Variants in YAE1 observed in about 807,000 individuals in gnomAD.
YAE1 encodes protein YAE1 homolog.
In YAE1, 22 loss-of-function variants were observed where a neutral mutation model predicts 23.0. The ratio of observed to expected loss-of-function variants is 0.96; its 90% CI spans 0.68 to 1.37. The LOEUF is 1.37. Ranked by LOEUF, YAE1 falls within the 40% of genes most tolerant of loss-of-function variation. The pLI is 0.00. For synonymous variants in YAE1, 101 were observed against 97.0 expected, an observed-to-expected ratio of 1.04 and a Z score of -0.24; for missense variants, 260 against 262.1, an observed-to-expected ratio of 0.99 and a Z score of 0.06.
chr7:39,569,611 G>A, intron 1 of YAE1: 1 of 609,396 alleles, frequency 1.6e-6, no homozygotes, highest in African/African-American at 1.8e-5. Flanking sequence ...ATCATACAGA[G>A]TCCTAGTAAC....
At chr7:39,603,846 G>A (rs1360060452) in intron 2 of YAE1, among the ~76,000 whole-genome samples, 1 of 152,174 alleles carries the variant, frequency 6.6e-6, no homozygotes, top group Admixed American at 6.6e-5. Flanking sequence ...GTATCAGGAA[G>A]TTGGATTTGG....
chr7:39,600,392 GTATTTATTTATT>G (rs1044416757), intron 2 of YAE1, among the ~76,000 whole-genome samples: 2 of 151,662 alleles, frequency 1.3e-5, no homozygotes, highest in African/African-American at 4.8e-5. Context: ...TATTTATTTT[GTATTTATTTATT>G]TATTTATTTT....
downstream of YAE1, among the ~76,000 whole-genome samples, chr7:39,611,501 C>G (rs562029894): frequency 1.3e-5 from 2 of 152,318 alleles, no homozygotes; most frequent in African/African-American, 4.8e-5. Context: ...GTTGCAGGAG[C>G]ACTTTACCTT....
At chr7:39,594,958 T>C (rs545532999) in intron 2 of YAE1, among the ~76,000 whole-genome samples, 7 of 152,292 alleles carry the variant, frequency 4.6e-5, no homozygotes, top group African/African-American at 1.7e-4. Context: ...ATCATATTTA[T>C]ATATTTAAAT....
chr7:39,578,193 G>A (rs1186269484), intron 2 of YAE1, among the ~76,000 whole-genome samples: 1 of 152,166 alleles, frequency 6.6e-6, no homozygotes, highest in Non-Finnish European at 1.5e-5. Flanking sequence ...GCAGCGCTCT[G>A]TGTCTAGCTA....
chr7:39,578,389 C>T (rs1261610290), intron 2 of YAE1, among the ~76,000 whole-genome samples: 2 of 152,062 alleles, frequency 1.3e-5, no homozygotes, highest in Non-Finnish European at 2.9e-5. Context: ...GCCCAAGGGT[C>T]TAGTTGCAGG....
intron 2 of YAE1, among the ~76,000 whole-genome samples, chr7:39,597,694 T>C (rs747254590): frequency 3.3e-5 from 5 of 152,290 alleles, no homozygotes; most frequent in Non-Finnish European, 4.4e-5. Flanking sequence ...GCGGTAGTGG[T>C]GGGGCCAATA....
chr7:39,593,232 T>C (rs537431036), intron 2 of YAE1, among the ~76,000 whole-genome samples: 4 of 118,478 alleles, frequency 3.4e-5, no homozygotes, highest in African/African-American at 1.3e-4. Flanking sequence ...TCACCCAGGC[T>C]GCAGTGCAGT....
At chr7:39,609,620 C>G in exon 3 of YAE1, 1 of 1,534,284 alleles carries the variant, frequency 6.5e-7, no homozygotes, top group Non-Finnish European at 8.7e-7. Context: ...AAAACAGGAA[C>G]TCAACGGATT....
chr7:39,585,490 A>G (rs1404529674), intron 2 of YAE1, among the ~76,000 whole-genome samples: 1 of 152,186 alleles, frequency 6.6e-6, no homozygotes, highest in Non-Finnish European at 1.5e-5. Context: ...TCAGAAAAAA[A>G]CAAACCAGCT....
chr7:39,566,422 T>C lies in YAE1; in HGVS notation c.4T>C (p.Ser2Pro), dbSNP rs1353107066. 32 of 1,613,610 alleles carry C rather than the reference T, an allele frequency of 2.0e-5. No homozygotes were observed. Among genetic ancestry groups the C allele is most frequent in the Non-Finnish European group, 2.6e-5 (31 of 1,179,732 alleles). The change falls in exon 1 of 3, where the codon TCG (serine) becomes CCG (proline). Residue 2 changes from serine (S) to proline (P), a missense_variant. Coordinates refer to ENST00000223273, the MANE Select transcript of YAE1 (RefSeq NM_020192.5). M[S>P]WVQAASLIQG... The stretch of plus-strand genomic sequence containing the variant: ...CGACCCCGTAATTGCCTCGGTGATG[T>C]CGTGGGTTCAAGCAGCCTCCTTGAT...
chr7:39,570,754 A>G (rs181976712), intron 2 of YAE1, 127 bp downstream of exon 2: 93 of 1,239,600 alleles, frequency 7.5e-5, no homozygotes, highest in Admixed American at 1.3e-4. Context: ...CGTGTCGCAG[A>G]TCATAGAATT....
intron 2 of YAE1, among the ~76,000 whole-genome samples, chr7:39,590,331 T>G (rs1790884188): frequency 6.6e-6 from 1 of 152,236 alleles, no homozygotes; most frequent in Non-Finnish European, 1.5e-5. Context: ...TTAAAGATGC[T>G]TATTGAGTAC....
In YAE1 at chr7:39,566,508, G is replaced by A. The variant is rs1051162; in HGVS notation, c.90G>A (p.Ala30=). The change falls in exon 1 of 3, where the codon GCG becomes GCA. Residue 30 remains alanine, a synonymous_variant. Transcript: ENST00000223273. Reference sequence around the variant, plus strand: ...AAGAAGCAGACGAGTCGCTCCTGGCGCAGCGGGAATGGCAGAGTAACATGC... The same window carrying A: ...AAGAAGCAGACGAGTCGCTCCTGGCACAGCGGGAATGGCAGAGTAACATGC... ...FDEEADESLL[A]QREWQSNMQR... is the part of the protein sequence containing the mutation. 0.098 allele frequency: 158,277 copies of A among 1,613,916 alleles called. 9,302 individuals carry two copies. The highest frequency in any genetic ancestry group is 0.25 in the African/African-American group (19,060 of 74,968).
chr7:39,589,698 A>C (rs1315190558), intron 2 of YAE1, among the ~76,000 whole-genome samples: 1 of 152,218 alleles, frequency 6.6e-6, no homozygotes, highest in Non-Finnish European at 1.5e-5. Flanking sequence ...TTCCGTAATT[A>C]AAGGTAATTT....
rs56303591 is a variant in YAE1 at position 39,593,177 on chromosome 7, CTTTTTTTTTTT to C, written c.252-16425_252-16415del. Among the ~76,000 whole-genome samples the C allele has an allele frequency of 2.8e-4, 20 of 72,118 alleles. No individual in the cohort carries two copies. The South Asian group carries it at 0.014, about 50-fold the overall frequency. 47.3% of individuals were successfully genotyped at this position (72,118 alleles called of 152,430 possible). On this transcript the variant is annotated intron_variant, in intron 2 of 2. Transcript: ENST00000432096. ...CTCTATAATTTCCATTTGGTTATTT[CTTTTTTTTTTT>C]TTTTTTTTTTTTTTGAGACAGAGTC...
At chr7:39,570,795 C>G (rs1341032395) in intron 2 of YAE1, 168 bp downstream of exon 2, 2 of 772,442 alleles carry the variant, frequency 2.6e-6, no homozygotes, top group Non-Finnish European at 3.8e-6. Context: ...AAATCTTTAT[C>G]AGCTCATCTA....
At chr7:39,609,823 G>C (rs1051125753) in exon 3 of YAE1, 1 of 1,531,696 alleles carries the variant, frequency 6.5e-7, no homozygotes, top group Admixed American at 2.0e-5. Context: ...GCCCGGCTCC[G>C]GGCCCCAGGC....
rs1315548263 is a variant in YAE1, at chr7:39,580,545, C to G, written c.251+9918C>G. ...ACTCACCACTGAGAGAGGCCTTGGA[C>G]CTTTGGATCCTCTTTCTTTCGAAGA... On this transcript the variant is annotated intron_variant, in intron 2 of 2. Coordinates refer to the YAE1 transcript ENST00000432096. 2.0e-5 allele frequency among the ~76,000 whole-genome samples: 3 copies of G among 152,162 alleles called. No individual in the cohort carries two copies. In the East Asian group the frequency reaches 5.8e-4, roughly 29 times the overall value.
Sources: gnomAD v4.1 joint callset for allele counts (sites outside exome capture counted in the v4.1 genomes callset) on GRCh38, gnomAD v4.1.1 for gene constraint, MANE v1.5 for transcripts, NCBI Gene and HGNC (gene_info 2026-07-23, HGNC 2026-07-21) for gene names.